LYPLA1: variants seen among roughly 807,000 people sequenced by gnomAD.
LYPLA1 encodes the protein acyl-protein thioesterase 1.
LYPLA1 carries 17 observed loss-of-function variants against 34.0 expected under a neutral mutation model. The ratio of observed to expected loss-of-function variants is 0.50; its 90% CI spans 0.34 to 0.75. The LOEUF (loss-of-function observed/expected upper bound fraction) is 0.75. LYPLA1 is among the 30% of genes least tolerant of loss of function. The pLI is 0.01. For missense variants in LYPLA1, 203 were observed against 288.8 expected (o/e 0.70, Z 2.15); for synonymous variants, 98 against 100.8 (o/e 0.97, Z 0.17).
chr8:54,082,725 C>T (rs1808409181), intron 2 of LYPLA1, among the ~76,000 whole-genome samples: 1 of 152,050 alleles, frequency 6.6e-6, no homozygotes, highest in African/African-American at 2.4e-5. Context: ...TCTCATGGTA[C>T]AGTCTTTCTT....
chr8:54,063,445 A>ATG, intron 3 of LYPLA1, 70 bp from the exon 4 acceptor site: 2 of 951,880 alleles, frequency 2.1e-6, no homozygotes, highest in Admixed American at 2.6e-5. Context: ...CCATTAATCA[A>ATG]AAACAGATAA....
chr8:54,059,099 G>C (rs776575795), intron 5 of LYPLA1, among the ~76,000 whole-genome samples: 2 of 152,134 alleles, frequency 1.3e-5, no homozygotes, highest in Admixed American at 6.5e-5. Flanking sequence ...TGAGGCCCAC[G>C]TATCTTCTTC....
chr8:54,066,307 A>G (rs1210966354), intron 2 of LYPLA1, among the ~76,000 whole-genome samples: 2 of 152,160 alleles, frequency 1.3e-5, no homozygotes, highest in Non-Finnish European at 2.9e-5. Flanking sequence ...AGAACCCAGC[A>G]GCTGTTAAGT....
At chr8:54,066,841 G>A (rs1467489189) in intron 2 of LYPLA1, among the ~76,000 whole-genome samples, 1 of 151,674 alleles carries the variant, frequency 6.6e-6, no homozygotes, top group Non-Finnish European at 1.5e-5. Flanking sequence ...AACTAAATCA[G>A]TTGTCTAACA....
chr8:54,078,923 A>G (rs1224072279), intron 2 of LYPLA1, among the ~76,000 whole-genome samples: 2 of 150,076 alleles, frequency 1.3e-5, no homozygotes, highest in African/African-American at 5.0e-5. Flanking sequence ...ACTTTATTAC[A>G]AGCTATTCAC....
At chr8:54,066,637 C>T (rs1256930185) in intron 2 of LYPLA1, among the ~76,000 whole-genome samples, 3 of 151,742 alleles carry the variant, frequency 2.0e-5, no homozygotes, top group African/African-American at 7.2e-5. Context: ...AAAAATTAGC[C>T]AGGCATGGTG....
intron 5 of LYPLA1, 119 bp downstream of exon 5, chr8:54,062,135 G>A: frequency 1.5e-6 from 1 of 674,662 alleles, no homozygotes; most frequent in East Asian, 3.3e-5. Context: ...TGGGATTACA[G>A]GCGTGAGCCA....
chr8:54,073,309 T>C, intron 2 of LYPLA1: 1 of 867,074 alleles, frequency 1.2e-6, no homozygotes, highest in Non-Finnish European at 2.0e-6. Flanking sequence ...CCTCTCCTTC[T>C]ATGGACGGAA....
downstream of LYPLA1, among the ~76,000 whole-genome samples, chr8:54,045,840 C>T (rs1805462341): frequency 6.6e-6 from 1 of 152,200 alleles, no homozygotes; most frequent in African/African-American, 2.4e-5. Flanking sequence ...GCGAGTGGAT[C>T]ACCTGAGGTC....
intron 2 of LYPLA1, among the ~76,000 whole-genome samples, chr8:54,100,016 T>A (rs1791709906): frequency 2.0e-5 from 3 of 152,162 alleles, no homozygotes; most frequent in African/African-American, 7.2e-5. Flanking sequence ...ATTTAGTCGT[T>A]CTGGGGCTAC....
downstream of LYPLA1, chr8:54,045,604 G>A (rs1805457129): frequency 6.6e-6 from 1 of 152,164 alleles, no homozygotes; most frequent in East Asian, 1.9e-4. Context: ...AAAAAAGTGA[G>A]GTGGTCACTT....
At chr8:54,051,281 A>G (rs1805826544) in intron 7 of LYPLA1, 93 bp from the exon 8 acceptor site, 4 of 1,063,610 alleles carry the variant, frequency 3.8e-6, no homozygotes, top group African/African-American at 1.6e-5. Context: ...ATGCATATAT[A>G]TAACATATTA....
At chr8:54,083,830 A>AT (rs1808485684) in intron 2 of LYPLA1, among the ~76,000 whole-genome samples, 1 of 152,216 alleles carries the variant, frequency 6.6e-6, no homozygotes, top group Non-Finnish European at 1.5e-5. Flanking sequence ...AGCTGTAGAC[A>AT]TCTGTGTTTA....
In LYPLA1 at chr8:54,085,064, T is replaced by C. The variant is rs192463033; in HGVS notation, c.101+15844A>G. ...CTCTGATGCCGAGACGAGGCTGGAC[T>C]GTACTGCCGCCATCTCGGCTCACTG... is the stretch of plus-strand genomic sequence containing the variant. On this transcript the variant is annotated intron_variant, in intron 2 of 8. Transcript: ENST00000316963. Among the ~76,000 whole-genome samples, 1,116 of 152,272 alleles carry C rather than the reference T, an allele frequency of 7.3e-3. 9 individuals carry two copies. Among genetic ancestry groups the C allele is most frequent in the African/African-American group, 0.022 (933 of 41,566 alleles).
chr8:54,062,302 G>C lies in LYPLA1; in HGVS notation c.238C>G (p.Pro80Ala). ...CCAGATTCATCCTCCTGTGAATCTG[G>C]TGAAAGCCCAATAATATCAAACCTG... is the stretch of plus-strand genomic sequence containing the variant. ...PSWFDIIGLS[P>A]DSQEDESGIK... Residue 80 changes from proline to alanine, a missense_variant, in exon 5 of 9, where the codon CCA becomes GCA. This residue lies in a region of LYPLA1 where 123 missense variants were observed against 199.2 expected (regional missense o/e 0.62). Coordinates refer to ENST00000316963, the MANE Select transcript of LYPLA1 (RefSeq NM_006330.4). The C allele has an allele frequency of 6.2e-7, 1 of 1,606,152 alleles. No homozygotes were observed. Among genetic ancestry groups the C allele is most frequent in the Non-Finnish European group, 8.5e-7 (1 of 1,177,266 alleles).
chr8:54,052,961 C>T lies in LYPLA1; in HGVS notation c.361-205G>A, dbSNP rs1358147861. ...CTACACCAGAGAACATACAGACTTC[C>T]TTTCCGACGAGACATAGTTTGTACC... On this transcript the variant is annotated intron_variant, in intron 6 of 8. Transcript: ENST00000316963. 9 of 490,008 alleles carry T rather than the reference C, an allele frequency of 1.8e-5. No individual in the cohort carries two copies. In the East Asian group the frequency reaches 2.6e-4, roughly 14 times the overall value. The allele number at this position is 490,008 out of a possible 1,614,324, so 30.4% of individuals were successfully genotyped here. A position where few individuals can be genotyped will look rare whatever the true frequency, so the allele number is the denominator to read the frequency against.
intron 2 of LYPLA1, among the ~76,000 whole-genome samples, chr8:54,093,040 G>GA (rs202173468): frequency 1.3e-5 from 2 of 152,018 alleles, no homozygotes; most frequent in African/African-American, 4.8e-5. Flanking sequence ...AACTAGACAA[G>GA]AAAAAAAATG....
At chr8:54,048,933 CTCA>C (rs1805655376) in intron 8 of LYPLA1, among the ~76,000 whole-genome samples, 1 of 152,196 alleles carries the variant, frequency 6.6e-6, no homozygotes, top group Non-Finnish European at 1.5e-5. Context: ...TTGTTGTAGA[CTCA>C]TCTATAGAGC....
intron 4 of LYPLA1, 48 bp from the exon 5 acceptor site, chr8:54,062,372 G>A: frequency 8.2e-7 from 1 of 1,221,456 alleles, no homozygotes; most frequent in Non-Finnish European, 1.2e-6. Context: ...ATCTATTATT[G>A]TAGTAAGTAT....
Sources: allele counts gnomAD v4.1 joint callset (sites outside exome capture counted in the v4.1 genomes callset), GRCh38; gene constraint gnomAD v4.1.1; regional missense constraint gnomAD v4.1.1; transcripts MANE v1.5; gene names NCBI Gene and HGNC (gene_info 2026-07-23, HGNC 2026-07-21).